LTBP1: variants seen among roughly 807,000 people sequenced by gnomAD.
LTBP1 encodes the protein latent transforming growth factor beta binding protein 1.
LTBP1 carries 129 observed loss-of-function variants against 207.6 expected under a neutral mutation model. The observed-to-expected ratio is 0.62, with a 90% CI of 0.54 to 0.72. The LOEUF (loss-of-function observed/expected upper bound fraction) is 0.72, where lower values mean the gene tolerates loss of function less well. Ranked by LOEUF, LTBP1 falls within the 30% of genes least tolerant of loss-of-function variation. The pLI, the probability that LTBP1 is intolerant of heterozygous loss-of-function variation, is 0.00. For missense variants in LTBP1, 2,281 were observed against 2,217.2 expected, an observed-to-expected ratio of 1.03 and a Z score of -0.58; for synonymous variants, 963 against 833.7, an observed-to-expected ratio of 1.16 and a Z score of -2.67.
At chr2:33,305,410 G>A (rs2094072395) in intron 22 of LTBP1, among the ~76,000 whole-genome samples, 1 of 151,774 alleles carries the variant, frequency 6.6e-6, no homozygotes, top group Non-Finnish European at 1.5e-5. Context: ...GGGGTATATG[G>A]GGAGTGTTGA....
intron 2 of LTBP1, among the ~76,000 whole-genome samples, chr2:33,007,080 T>C (rs1687009344): frequency 6.6e-6 from 1 of 152,188 alleles, no homozygotes. Context: ...GGGGTGGTTT[T>C]TTGAGACGGA....
At chr2:33,343,815 TTGTC>T (rs2149701571) in intron 25 of LTBP1, among the ~76,000 whole-genome samples, 1 of 152,346 alleles carries the variant, frequency 6.6e-6, no homozygotes, top group South Asian at 2.1e-4. Flanking sequence ...TTGTATTTCA[TTGTC>T]TGACCAAGAT....
chr2:33,371,594 T>A (rs1014495293), intron 31 of LTBP1, among the ~76,000 whole-genome samples: 2 of 152,226 alleles, frequency 1.3e-5, no homozygotes, highest in Non-Finnish European at 2.9e-5. Flanking sequence ...CTTTGAGGCC[T>A]TTGGTTGCAT....
At chr2:33,320,497 C>T (rs2094339085) in intron 24 of LTBP1, among the ~76,000 whole-genome samples, 2 of 151,458 alleles carry the variant, frequency 1.3e-5, no homozygotes, top group South Asian at 2.1e-4. Context: ...TGGTCAGAAT[C>T]GGCTTTTCTG....
intron 3 of LTBP1, among the ~76,000 whole-genome samples, chr2:33,049,415 A>G (rs1021707153): frequency 2.0e-5 from 3 of 152,170 alleles, no homozygotes; most frequent in African/African-American, 7.2e-5. Flanking sequence ...ATTTGCATCA[A>G]TGTGTCTTTT....
At position 33,309,454 on chromosome 2, in the gene LTBP1, G is replaced by A; in HGVS notation, c.3502G>A (p.Asp1168Asn). 3 of 1,606,860 alleles carry A rather than the reference G, an allele frequency of 1.9e-6. No individual in the cohort carries two copies. Among genetic ancestry groups the A allele is most frequent in the Non-Finnish European group, 2.5e-6 (3 of 1,177,720 alleles). ...HCEDINECLE[D>N]KSVCQRGDCI... ...TTTAGATATCAATGAATGCTTGGAG[G>A]ACAAGAGTGTTTGCCAGAGAGGAGA... The change falls in exon 23 of 34, where the codon GAC (aspartate) becomes AAC (asparagine). Residue 1168 changes from aspartate (D) to asparagine (N), a missense_variant. Around this residue, in one of 3 missense-constraint regions of LTBP1, gnomAD observed 1,671 missense variants for 1,634.8 expected, o/e 1.02. Transcript: ENST00000404816.
At chr2:33,260,350 T>C (rs1237871314) in intron 13 of LTBP1, among the ~76,000 whole-genome samples, 2 of 152,188 alleles carry the variant, frequency 1.3e-5, no homozygotes, top group Non-Finnish European at 2.9e-5. Flanking sequence ...CATTTTGAAA[T>C]GGGATCTCAA....
chr2:33,199,166 C>G (rs945505644), intron 7 of LTBP1, among the ~76,000 whole-genome samples: 10 of 152,144 alleles, frequency 6.6e-5, no homozygotes, highest in African/African-American at 9.7e-5. Flanking sequence ...ACCCAGTAGT[C>G]ATTCAGGAGC....
intron 5 of LTBP1, among the ~76,000 whole-genome samples, chr2:33,169,090 G>C (rs1009992302): frequency 6.6e-6 from 1 of 152,176 alleles, no homozygotes; most frequent in South Asian, 2.1e-4. Flanking sequence ...TATAGTAGTG[G>C]TTCCCAAACA....
intron 3 of LTBP1, among the ~76,000 whole-genome samples, chr2:33,086,892 T>G (rs563276062): frequency 6.6e-6 from 1 of 151,646 alleles, no homozygotes; most frequent in Non-Finnish European, 1.5e-5. Flanking sequence ...TATTTATTTA[T>G]TTTTTTTGGT....
intron 15 of LTBP1, among the ~76,000 whole-genome samples, chr2:33,264,664 A>G (rs1199226690): frequency 1.3e-5 from 2 of 152,242 alleles, no homozygotes; most frequent in Non-Finnish European, 2.9e-5. Context: ...AAGAAAGGCA[A>G]ACTAACCTAG....
chr2:33,361,414 C>G lies in LTBP1; in HGVS notation c.4184-15C>G, dbSNP rs775560636. ...TGTTGAATCTTTTTTTTTTTTTTGT[C>G]TCTTCTAAAATCAGCTGAGTTCACT... On this transcript the variant is annotated splice_polypyrimidine_tract_variant and intron_variant, in intron 27 of 33. Transcript: ENST00000404816. 1.5e-5 allele frequency: 15 copies of G among 1,015,738 alleles called. No individual in the cohort carries two copies. Among genetic ancestry groups the G allele is most frequent in the South Asian group, 5.5e-5 (3 of 54,796 alleles). 62.9% of individuals were successfully genotyped at this position (1,015,738 alleles called of 1,614,324 possible).
intron 2 of LTBP1, among the ~76,000 whole-genome samples, chr2:32,996,988 G>A (rs1458430390): frequency 6.6e-6 from 1 of 152,050 alleles, no homozygotes; most frequent in East Asian, 1.9e-4. Context: ...GGGTCCAAGC[G>A]ATTCTCATGC....
At chr2:33,080,687 G>A (rs1052222607) in intron 3 of LTBP1, among the ~76,000 whole-genome samples, 2 of 152,024 alleles carry the variant, frequency 1.3e-5, no homozygotes, top group African/African-American at 2.4e-5. Flanking sequence ...TCCCTGAATA[G>A]TTACTGAGGC....
At chr2:33,214,457 T>C (rs756949567) in intron 7 of LTBP1, among the ~76,000 whole-genome samples, 19 of 152,200 alleles carry the variant, frequency 1.2e-4, no homozygotes, top group Non-Finnish European at 2.6e-4. Flanking sequence ...TGCGTGTACG[T>C]GCCTGTGCAT....
intron 3 of LTBP1, among the ~76,000 whole-genome samples, chr2:33,054,008 C>T (rs538857340): frequency 6.6e-6 from 1 of 152,266 alleles, no homozygotes; most frequent in African/African-American, 2.4e-5. Flanking sequence ...TAAGTTGGGA[C>T]GTGTGATCTG....
At position 33,134,342 on chromosome 2, in the gene LTBP1, G is replaced by A. The variant is rs528640752; in HGVS notation, c.1034-451G>A. ...GGCTGCAAATAGTGACTTAATAAGT[G>A]GAGAAACAGGGAAAGTATGCAAGTT... is the stretch of plus-strand genomic sequence containing the variant. On this transcript the variant is annotated intron_variant, in intron 4 of 33. Transcript: ENST00000404816. This position sits in a 1 kb window ranked among gnomAD's most constrained non-coding sequence, Gnocchi z 4.4. 2.2e-6 allele frequency: 1 copy of A among 452,336 alleles called. No homozygotes were observed. The highest frequency in any genetic ancestry group is 2.0e-5 in the African/African-American group (1 of 49,814). The allele number at this position is 452,336 out of a possible 1,614,324, so 28.0% of individuals were successfully genotyped here.
chr2:33,374,326 G>C (rs556134038), intron 31 of LTBP1, among the ~76,000 whole-genome samples: 38 of 152,184 alleles, frequency 2.5e-4, no homozygotes, highest in African/African-American at 9.2e-4. Flanking sequence ...CATTGCACTG[G>C]GCACATTACT....
chr2:33,217,255 T>TA (rs1402223562), intron 7 of LTBP1, among the ~76,000 whole-genome samples: 1 of 152,174 alleles, frequency 6.6e-6, no homozygotes, highest in Non-Finnish European at 1.5e-5. Flanking sequence ...ATGAGGCTCT[T>TA]ATTAAGAAAA....
Sources: gnomAD v4.1 joint callset for allele counts (sites outside exome capture counted in the v4.1 genomes callset) on GRCh38, gnomAD v4.1.1 for gene constraint, gnomAD v4.1.1 regional missense constraint, Gnocchi (gnomAD v3.1) non-coding constraint, MANE v1.5 for transcripts, NCBI Gene and HGNC (gene_info 2026-07-23, HGNC 2026-07-21) for gene names.